DCC: variants seen among roughly 807,000 people sequenced by gnomAD.
The protein encoded by DCC is DCC netrin 1 receptor.
Under a neutral mutation model 172.5 loss-of-function variants are expected in DCC, and 58 were observed. That is an observed-to-expected ratio of 0.34 (90% CI 0.27 to 0.42). DCC has a LOEUF of 0.42. Among genes scored for constraint, DCC ranks in the 10% least tolerant of loss-of-function variants. The probability of loss-of-function intolerance (pLI) is 1.00; values close to 1 mark genes in which losing one functional copy is unlikely to be tolerated. For synonymous variants in DCC, 709 were observed against 644.5 expected (o/e 1.10, Z -1.52); for missense variants, 1,740 against 1,791.0 (o/e 0.97, Z 0.51).
At chr18:52,932,748 G>A (rs976557289) in intron 5 of DCC, among the ~76,000 whole-genome samples, 10 of 151,884 alleles carry the variant, frequency 6.6e-5, no homozygotes, top group Admixed American at 2.0e-4. Context: ...TTTATATATA[G>A]ATATAGATAT....
intron 21 of DCC, among the ~76,000 whole-genome samples, chr18:53,422,640 C>A (rs1249135714): frequency 1.3e-5 from 2 of 152,102 alleles, no homozygotes; most frequent in Admixed American, 1.3e-4. Flanking sequence ...CAGTTTTAAT[C>A]TCATGAATAA....
chr18:52,962,336 C>T (rs2040855392), intron 5 of DCC, among the ~76,000 whole-genome samples: 1 of 150,894 alleles, frequency 6.6e-6, no homozygotes, highest in African/African-American at 2.4e-5. Context: ...TTTATGCAGC[C>T]AAAAAACACA....
intron 8 of DCC, among the ~76,000 whole-genome samples, chr18:53,164,688 T>C (rs994170731): frequency 1.3e-5 from 2 of 152,214 alleles, no homozygotes; most frequent in African/African-American, 4.8e-5. Flanking sequence ...CTAAAACACT[T>C]GCTCTTTGGT....
In DCC at chr18:53,486,876, T is replaced by A; in HGVS notation, c.3816T>A (p.Tyr1272Ter). ...TCCTCCCGTCTCCCACCTGTGGATA[T>A]CCCCACCCGCAGTTCACTCTCCGGC... ...PGILPSPTCG[Y>*]PHPQFTLRPV... The change falls in exon 26 of 29, where the codon TAT becomes TAA. Residue 1272 changes from tyrosine to a stop codon, truncating the protein, a stop_gained. Coordinates refer to ENST00000442544, the MANE Select transcript of DCC (RefSeq NM_005215.4). LOFTEE classifies it high-confidence loss of function. 6.2e-7 allele frequency: 1 copy of A among 1,614,128 alleles called. No individual in the cohort carries two copies. Among genetic ancestry groups the A allele is most frequent in the Non-Finnish European group, 8.5e-7 (1 of 1,180,028 alleles).
chr18:53,250,626 A>T (rs200385809), intron 12 of DCC, among the ~76,000 whole-genome samples: 2 of 58,702 alleles, frequency 3.4e-5, no homozygotes, highest in Non-Finnish European at 7.5e-5. Context: ...CCTGTGTTCC[A>T]TCTCCTACAG....
chr18:52,818,389 G>A (rs2038341840), intron 2 of DCC, among the ~76,000 whole-genome samples: 1 of 138,842 alleles, frequency 7.2e-6, no homozygotes, highest in Admixed American at 7.3e-5. Context: ...TCCAGCCTCG[G>A]CAACAGAATG....
intron 5 of DCC, among the ~76,000 whole-genome samples, chr18:52,963,317 G>C (rs549451233): frequency 6.6e-6 from 1 of 151,322 alleles, no homozygotes; most frequent in Non-Finnish European, 1.5e-5. Context: ...AAAAAAAAAG[G>C]CCCGGTGTGA....
At chr18:52,369,665 T>C (rs1427224351) in intron 1 of DCC, among the ~76,000 whole-genome samples, 1 of 152,018 alleles carries the variant, frequency 6.6e-6, no homozygotes, top group African/African-American at 2.4e-5. Context: ...CTGAAAGATA[T>C]TATATAAACC....
chr18:52,981,000 C>T (rs1176387149), intron 5 of DCC, among the ~76,000 whole-genome samples: 12 of 149,928 alleles, frequency 8.0e-5, no homozygotes, highest in Admixed American at 3.3e-4. Flanking sequence ...TATTATAAGC[C>T]GGTATTTTCC....
intron 18 of DCC, among the ~76,000 whole-genome samples, chr18:53,402,397 A>AT (rs5825017): frequency 0.3 from 38,653 of 127,384 alleles, 5,704 homozygotes; most frequent in South Asian, 0.44. Flanking sequence ...CTCAAAAAAA[A>AT]AAAAAAATAA....
intron 2 of DCC, among the ~76,000 whole-genome samples, chr18:52,802,377 T>C (rs2038006068): frequency 6.6e-6 from 1 of 152,014 alleles, no homozygotes; most frequent in Non-Finnish European, 1.5e-5. Context: ...TACATATACA[T>C]GTATATATAT....
intron 27 of DCC, among the ~76,000 whole-genome samples, chr18:53,501,550 T>TTAATGAGGAAAGGTAA (rs1555679890): frequency 6.6e-6 from 1 of 152,160 alleles, no homozygotes; most frequent in Admixed American, 6.5e-5. Flanking sequence ...CACTCACATT[T>TTAATGAGGAAAGGTAA]TAATGAGGAA....
intron 7 of DCC, among the ~76,000 whole-genome samples, chr18:53,128,141 A>T (rs2043593052): frequency 6.6e-6 from 1 of 152,274 alleles, no homozygotes; most frequent in South Asian, 2.1e-4. Flanking sequence ...CTAAGGTCAC[A>T]CAATCATATG....
intron 2 of DCC, among the ~76,000 whole-genome samples, chr18:52,901,528 A>C (rs916157590): frequency 2.6e-5 from 4 of 152,196 alleles, no homozygotes; most frequent in African/African-American, 9.6e-5. Flanking sequence ...GGAGATAATA[A>C]TACTTCCTAA....
intron 1 of DCC, among the ~76,000 whole-genome samples, chr18:52,518,348 G>A (rs534429599): frequency 6.6e-6 from 1 of 152,272 alleles, no homozygotes; most frequent in East Asian, 1.9e-4. Flanking sequence ...CCAGAGTTTG[G>A]ACCTTGCAAG....
intron 12 of DCC, among the ~76,000 whole-genome samples, chr18:53,217,001 T>C (rs906966876): frequency 2.0e-4 from 31 of 152,128 alleles, no homozygotes; most frequent in African/African-American, 6.8e-4. Flanking sequence ...GTAATGTCTC[T>C]TGTTTAACAA....
intron 5 of DCC, among the ~76,000 whole-genome samples, chr18:52,942,225 G>C (rs1262952950): frequency 1.3e-5 from 2 of 151,668 alleles, no homozygotes; most frequent in Non-Finnish European, 2.9e-5. Flanking sequence ...CCATGTTTAG[G>C]GTTTTTATAT....
At chr18:52,870,149 C>CGAGCTG (rs2039296505) in intron 2 of DCC, among the ~76,000 whole-genome samples, 1 of 152,186 alleles carries the variant, frequency 6.6e-6, no homozygotes, top group Non-Finnish European at 1.5e-5. Flanking sequence ...GAGTGCTGCA[C>CGAGCTG]GAGCTGCGGC....
At chr18:52,988,646 T>C (rs990827531) in intron 5 of DCC, among the ~76,000 whole-genome samples, 2 of 152,192 alleles carry the variant, frequency 1.3e-5, no homozygotes, top group African/African-American at 4.8e-5. Flanking sequence ...AATATTTGTT[T>C]CTATTAGTTT....
Sources: gnomAD v4.1 joint callset for allele counts (sites outside exome capture counted in the v4.1 genomes callset) on GRCh38, gnomAD v4.1.1 for gene constraint, MANE v1.5 for transcripts, NCBI Gene and HGNC (gene_info 2026-07-23, HGNC 2026-07-21) for gene names.